FGD4: variants seen among roughly 807,000 people sequenced by gnomAD.
The protein encoded by FGD4 is FYVE, RhoGEF and PH domain-containing protein 4.
A neutral mutation model predicts 102.0 loss-of-function variants in FGD4; 42 were observed. The observed-to-expected ratio is 0.41, with a 90% confidence interval of 0.32 to 0.53. The LOEUF (loss-of-function observed/expected upper bound fraction) is 0.53. Among genes scored for constraint, FGD4 ranks in the 20% least tolerant of loss-of-function variants. FGD4 has a pLI of 0.21. For synonymous variants in FGD4, 380 were observed against 375.7 expected, an observed-to-expected ratio of 1.01 and a Z score of -0.13; for missense variants, 902 against 1,078.2, an observed-to-expected ratio of 0.84 and a Z score of 2.29.
chr12:32,408,640 T>C (rs1466626000), intron 1 of FGD4, among the ~76,000 whole-genome samples: 1 of 151,898 alleles, frequency 6.6e-6, no homozygotes, highest in Non-Finnish European at 1.5e-5. Context: ...TCTGCCTTGC[T>C]GCCCTCACTT....
intron 1 of FGD4, among the ~76,000 whole-genome samples, chr12:32,428,118 G>T (rs1342124410): frequency 6.6e-6 from 1 of 152,124 alleles, no homozygotes; most frequent in Non-Finnish European, 1.5e-5. Context: ...ATGCTGGCTG[G>T]TTATTTTGCC....
chr12:32,555,910 G>A (rs1192187556), intron 1 of FGD4, among the ~76,000 whole-genome samples: 3 of 151,778 alleles, frequency 2.0e-5, no homozygotes, highest in Admixed American at 1.3e-4. Flanking sequence ...GAGCACAGTG[G>A]TGCAATCACA....
Position 32,473,681 on chromosome 12 carries a change from C to T in FGD4, c.166+73722C>T, listed in dbSNP as rs531694172. 2.1e-3 allele frequency among the ~76,000 whole-genome samples: 324 copies of T among 152,264 alleles called. 3 individuals carry two copies. The highest frequency in any genetic ancestry group is 7.5e-3 in the African/African-American group (313 of 41,544). ...GGTGCAGCTCATCTCAAACTGAAGA[C>T]CTATGAATTAAAAGCACACGTTATT... is the stretch of plus-strand genomic sequence containing the variant. On this transcript the variant is annotated intron_variant, in intron 1 of 16. Transcript: ENST00000534526.
intron 1 of FGD4, among the ~76,000 whole-genome samples, chr12:32,444,946 T>C (rs998534663): frequency 6.6e-6 from 1 of 152,230 alleles, no homozygotes; most frequent in Non-Finnish European, 1.5e-5. Context: ...GTTTGACTTA[T>C]TAGAATATCA....
chr12:32,489,842 CT>C (rs1944031244), intron 1 of FGD4, among the ~76,000 whole-genome samples: 1 of 152,066 alleles, frequency 6.6e-6, no homozygotes, highest in African/African-American at 2.4e-5. Context: ...CTATTAAAAA[CT>C]TTTTTTGTCT....
chr12:32,465,530 T>C (rs1943228883), intron 1 of FGD4, among the ~76,000 whole-genome samples: 2 of 152,070 alleles, frequency 1.3e-5, no homozygotes, highest in African/African-American at 4.8e-5. Context: ...TAGCTGGGCG[T>C]GGTGGCGCAC....
intron 1 of FGD4, among the ~76,000 whole-genome samples, chr12:32,555,414 A>G (rs935428097): frequency 9.9e-5 from 15 of 152,142 alleles, no homozygotes; most frequent in African/African-American, 3.4e-4. Context: ...AGGCAACTGC[A>G]TGTGTAAATC....
At position 32,544,211 on chromosome 12, in the gene FGD4, AGGTCAGGAT is replaced by A; in HGVS notation, c.167-19925_167-19917del. Among the ~76,000 whole-genome samples the A allele has an allele frequency of 6.6e-6, 1 of 151,914 alleles. No homozygotes were observed. The highest frequency in any genetic ancestry group is 3.4e-3 in the Middle Eastern group (1 of 294). ...GAGTCCGAGATGGGTGGATCTCCTG[AGGTCAGGAT>A]TTCGAGACCAGCCTGGCCAACATGG... On this transcript the variant is annotated intron_variant, in intron 1 of 16. Transcript: ENST00000534526. This position sits in a 1 kb window ranked among gnomAD's most constrained non-coding sequence, Gnocchi z 4.1.
intron 1 of FGD4, among the ~76,000 whole-genome samples, chr12:32,505,092 A>T (rs1056016424): frequency 1.1e-4 from 16 of 152,192 alleles, no homozygotes; most frequent in African/African-American, 3.6e-4. Context: ...ATGATGGAAT[A>T]CTAGGGATCT....
chr12:32,640,685 C>G lies in FGD4; in HGVS notation c.*152C>G. On this transcript the variant is annotated 3_prime_UTR_variant, in exon 17 of 17. Coordinates refer to ENST00000534526, the MANE Select transcript of FGD4 (RefSeq NM_001370298.3). Reference sequence around the variant, plus strand: ...GACTATTTTCCTATGTTTATGTACTCTTAGTGAAATTAGTGTGCAGAGTCA... The same window carrying G: ...GACTATTTTCCTATGTTTATGTACTGTTAGTGAAATTAGTGTGCAGAGTCA... 3.7e-6 allele frequency: 4 copies of G among 1,067,906 alleles called. No homozygotes were observed. The highest frequency in any genetic ancestry group is 4.5e-5 in the Admixed American group (2 of 44,150). 66.2% of individuals were successfully genotyped at this position (1,067,906 alleles called of 1,614,324 possible).
chr12:32,490,861 T>A (rs1944063415), intron 1 of FGD4, among the ~76,000 whole-genome samples: 2 of 152,150 alleles, frequency 1.3e-5, no homozygotes, highest in South Asian at 4.1e-4. Context: ...CTACTAAAAA[T>A]CATGAAAGTT....
chr12:32,442,908 G>T (rs979713425), intron 1 of FGD4, among the ~76,000 whole-genome samples: 2 of 152,132 alleles, frequency 1.3e-5, no homozygotes, highest in Admixed American at 1.3e-4. Context: ...ATAGCTCATT[G>T]TGGTCTTAAT....
At chr12:32,530,093 G>C (rs1319305666) in intron 1 of FGD4, among the ~76,000 whole-genome samples, 1 of 152,054 alleles carries the variant, frequency 6.6e-6, no homozygotes, top group East Asian at 1.9e-4. Flanking sequence ...TAAAATTCTT[G>C]ATTTCAGATC....
intron 1 of FGD4, among the ~76,000 whole-genome samples, chr12:32,408,069 G>A (rs1028850925): frequency 6.6e-6 from 1 of 151,484 alleles, no homozygotes; most frequent in Non-Finnish European, 1.5e-5. Context: ...GTGCCATCTT[G>A]GCTCACTGCA....
intron 11 of FGD4, among the ~76,000 whole-genome samples, chr12:32,622,946 C>T (rs1949934528): frequency 1.3e-5 from 2 of 151,962 alleles, no homozygotes; most frequent in Non-Finnish European, 2.9e-5. Context: ...AGTCAGAGTG[C>T]CATAGGAATT....
At chr12:32,423,226 T>A (rs1319407266) in intron 1 of FGD4, among the ~76,000 whole-genome samples, 1 of 152,162 alleles carries the variant, frequency 6.6e-6, no homozygotes, top group Non-Finnish European at 1.5e-5. Flanking sequence ...AGAGGCCACA[T>A]GGGTTCTCGG....
At chr12:32,635,634 A>G (rs940340359) in intron 15 of FGD4, among the ~76,000 whole-genome samples, 1 of 152,192 alleles carries the variant, frequency 6.6e-6, no homozygotes, top group African/African-American at 2.4e-5. Flanking sequence ...AACCAAGGAT[A>G]TTACATACAT....
At chr12:32,420,943 A>T (rs1227680303) in intron 1 of FGD4, among the ~76,000 whole-genome samples, 1 of 152,074 alleles carries the variant, frequency 6.6e-6, no homozygotes, top group Non-Finnish European at 1.5e-5. Context: ...CCTGGACTGG[A>T]GTATGGTGGC....
intron 1 of FGD4, among the ~76,000 whole-genome samples, chr12:32,433,241 C>T (rs1353015586): frequency 3.3e-5 from 5 of 152,198 alleles, no homozygotes; most frequent in Non-Finnish European, 7.3e-5. Flanking sequence ...AAGTTACTCA[C>T]CTGCCTCGGC....
Sources: allele counts gnomAD v4.1 joint callset (sites outside exome capture counted in the v4.1 genomes callset), GRCh38; gene constraint gnomAD v4.1.1; non-coding constraint Gnocchi (gnomAD v3.1); transcripts MANE v1.5; gene names NCBI Gene and HGNC (gene_info 2026-07-23, HGNC 2026-07-21).